The following VDAC1 variants were observed in gnomAD, a reference collection of about 807,000 sequenced individuals.
VDAC1 encodes the protein non-selective voltage-gated ion channel VDAC1.
In VDAC1, 10 loss-of-function variants were observed where a neutral mutation model predicts 34.7. The ratio of observed to expected loss-of-function variants is 0.29; its 90% confidence interval spans 0.18 to 0.49. The LOEUF (loss-of-function observed/expected upper bound fraction) is 0.49, where lower values mean the gene tolerates loss of function less well. Among genes scored for constraint, VDAC1 ranks in the 20% least tolerant of loss-of-function variants. VDAC1 has a pLI of 0.99. For synonymous variants in VDAC1, 130 were observed against 136.0 expected, an observed-to-expected ratio of 0.96 and a Z score of 0.30; for missense variants, 230 against 347.9, an observed-to-expected ratio of 0.66 and a Z score of 2.69.
the VDAC1 span, among the ~76,000 whole-genome samples, chr5:134,033,843 T>A: frequency 6.6e-6 from 1 of 151,242 alleles, no homozygotes; most frequent in Non-Finnish European, 1.5e-5. Context: ...ATACAAAAAA[T>A]TAGCCGGGAG....
chr5:134,001,595 G>C (rs986852071), intron 1 of VDAC1, among the ~76,000 whole-genome samples: 1 of 151,806 alleles, frequency 6.6e-6, no homozygotes, highest in African/African-American at 2.4e-5. Context: ...GCAGGCGCCT[G>C]TAATCCCGGC....
the VDAC1 span, among the ~76,000 whole-genome samples, chr5:134,101,946 T>C: frequency 3.9e-5 from 6 of 152,226 alleles, no homozygotes; most frequent in Non-Finnish European, 8.8e-5. Context: ...ACCAACATGC[T>C]GGCCAGTAGG....
At chr5:134,042,684 G>A in the VDAC1 span, among the ~76,000 whole-genome samples, 1 of 152,060 alleles carries the variant, frequency 6.6e-6, no homozygotes, top group Non-Finnish European at 1.5e-5. Context: ...GTAGAGATGG[G>A]GTTTCACCAT....
intron 7 of VDAC1, among the ~76,000 whole-genome samples, chr5:133,975,547 G>A (rs972919720): frequency 4.0e-4 from 59 of 148,654 alleles, no homozygotes; most frequent in Admixed American, 4.0e-4. Flanking sequence ...TGCAACCTCC[G>A]CCTCCCCGGT....
chr5:134,005,156 G>A (rs927533057), upstream of VDAC1: 1 of 152,158 alleles, frequency 6.6e-6, no homozygotes, highest in Non-Finnish European at 1.5e-5. Context: ...GGGCTCCTGG[G>A]CCTCCTGCTT....
the VDAC1 span, among the ~76,000 whole-genome samples, chr5:134,099,654 C>T: frequency 2.0e-5 from 3 of 152,332 alleles, no homozygotes; most frequent in East Asian, 1.9e-4. Context: ...AATCACAACA[C>T]GCAGCAGCGT....
At chr5:133,981,376 G>C (rs193068225) in intron 5 of VDAC1, among the ~76,000 whole-genome samples, 86 of 152,310 alleles carry the variant, frequency 5.6e-4, no homozygotes, top group African/African-American at 1.5e-3. Flanking sequence ...CTAAATAGCA[G>C]CTTTTAAAGA....
intron 1 of VDAC1, among the ~76,000 whole-genome samples, chr5:133,997,537 A>G (rs1267870536): frequency 6.7e-6 from 1 of 150,170 alleles, no homozygotes; most frequent in Non-Finnish European, 1.5e-5. Context: ...GTCTCTACTA[A>G]AAATAAAAAA....
chr5:134,107,585 C>T, the VDAC1 span, among the ~76,000 whole-genome samples: 1 of 152,214 alleles, frequency 6.6e-6, no homozygotes. Flanking sequence ...TTCCTGGTGC[C>T]CTCCCCACCC....
At chr5:134,040,018 C>G in the VDAC1 span, among the ~76,000 whole-genome samples, 1 of 152,182 alleles carries the variant, frequency 6.6e-6, no homozygotes, top group African/African-American at 2.4e-5. Flanking sequence ...CTCCTGGAAC[C>G]CCAAAATTGG....
the VDAC1 span, among the ~76,000 whole-genome samples, chr5:134,011,862 ACTC>A: frequency 6.6e-6 from 1 of 151,266 alleles, no homozygotes; most frequent in Non-Finnish European, 1.5e-5. Flanking sequence ...CTGGTCTCAA[ACTC>A]CTGACCTCAG....
At chr5:134,061,149 G>A in the VDAC1 span, among the ~76,000 whole-genome samples, 1 of 145,458 alleles carries the variant, frequency 6.9e-6, no homozygotes, top group Non-Finnish European at 1.5e-5. Flanking sequence ...ACAGACATGA[G>A]CCACCACATC....
intron 5 of VDAC1, among the ~76,000 whole-genome samples, chr5:133,981,789 T>C (rs550763024): frequency 1.3e-5 from 2 of 151,826 alleles, no homozygotes; most frequent in African/African-American, 4.8e-5. Flanking sequence ...ACATGGATCA[T>C]TTTTATCTGA....
At chr5:134,102,536 C>T in the VDAC1 span, among the ~76,000 whole-genome samples, 4,040 of 151,894 alleles carry the variant, frequency 0.027, 175 homozygotes, top group African/African-American at 0.093. Flanking sequence ...GGCGTGGTGG[C>T]GCAAACCTGT....
At chr5:134,062,208 A>G in the VDAC1 span, among the ~76,000 whole-genome samples, 1 of 151,244 alleles carries the variant, frequency 6.6e-6, no homozygotes, top group Non-Finnish European at 1.5e-5. Flanking sequence ...GATGGTCTTG[A>G]TCTCCTGACC....
At chr5:134,070,891 A>C in the VDAC1 span, among the ~76,000 whole-genome samples, 1 of 152,224 alleles carries the variant, frequency 6.6e-6, no homozygotes, top group Admixed American at 6.5e-5. Flanking sequence ...GAGGTGCTGG[A>C]TCAGAGGTCT....
the VDAC1 span, among the ~76,000 whole-genome samples, chr5:134,021,966 C>G: frequency 6.6e-6 from 1 of 151,854 alleles, no homozygotes; most frequent in Non-Finnish European, 1.5e-5. Flanking sequence ...CAACCTCTGC[C>G]TCCCGGCTTC....
chr5:133,984,947 A>C (rs1204926487), intron 5 of VDAC1, among the ~76,000 whole-genome samples: 1 of 152,178 alleles, frequency 6.6e-6, no homozygotes, highest in African/African-American at 2.4e-5. Context: ...AAAATAAATA[A>C]ATAAAAATTT....
the VDAC1 span, among the ~76,000 whole-genome samples, chr5:134,096,085 C>T: frequency 1.3e-5 from 2 of 152,234 alleles, no homozygotes; most frequent in African/African-American, 4.8e-5. Flanking sequence ...CTCTATCCCG[C>T]GTGCCAGAGG....
Sources: allele counts gnomAD v4.1 joint callset (sites outside exome capture counted in the v4.1 genomes callset), GRCh38; gene constraint gnomAD v4.1.1; transcripts MANE v1.5; gene names NCBI Gene and HGNC (gene_info 2026-07-23, HGNC 2026-07-21).